ETV5: variants seen among roughly 807,000 people sequenced by gnomAD.
ETV5 encodes the protein ETS translocation variant 5.
Under a neutral mutation model 70.0 loss-of-function variants are expected in ETV5, and 10 were observed. The ratio of observed to expected loss-of-function variants is 0.14; its 90% CI spans 0.09 to 0.24. The LOEUF (loss-of-function observed/expected upper bound fraction) is 0.24, where lower values mean the gene tolerates loss of function less well. ETV5 is among the 10% of genes least tolerant of loss of function. ETV5 has a pLI of 1.00. For synonymous variants in ETV5, 216 were observed against 242.2 expected (o/e 0.89, Z 1.01); for missense variants, 453 against 651.2 (o/e 0.70, Z 3.31).
chr3:186,047,184 T>A lies in ETV5; in HGVS notation c.*1455A>T, dbSNP rs1054975302. 1 of 228,872 alleles carries A rather than the reference T, an allele frequency of 4.4e-6. No individual in the cohort carries two copies. The highest frequency in any genetic ancestry group is 5.7e-5 in the Admixed American group (1 of 17,584). The allele number at this position is 228,872 out of a possible 1,614,324, so 14.2% of individuals were successfully genotyped here. A position where few individuals can be genotyped will look rare whatever the true frequency, so the allele number is the denominator to read the frequency against. ...AGGCAGCAAGGTACCACCAGTAACT[T>A]TTCCTCTACTTTGAGCTCAACTTTC... On this transcript the variant is annotated 3_prime_UTR_variant, in exon 13 of 13. Coordinates refer to ENST00000306376, the MANE Select transcript of ETV5 (RefSeq NM_004454.3).
At chr3:186,101,355 C>T (rs924811424) in intron 5 of ETV5, among the ~76,000 whole-genome samples, 2 of 152,158 alleles carry the variant, frequency 1.3e-5, no homozygotes, top group African/African-American at 2.4e-5. Context: ...GATCACTACT[C>T]GCTTCAACTG....
In ETV5 at chr3:186,057,002, T is replaced by C. The variant is rs1713181161; in HGVS notation, c.1209+73A>G. The C allele has an allele frequency of 1.9e-6, 3 of 1,550,412 alleles. No individual in the cohort carries two copies. Among genetic ancestry groups the C allele is most frequent in the Non-Finnish European group, 2.6e-6 (3 of 1,138,178 alleles). ...GCAGACTTGACACAAAAAGCCTCAA[T>C]GGAAATCTAAACAAAAAACATCATC... On this transcript the variant is annotated intron_variant, in intron 11 of 12. Transcript: ENST00000306376. This position sits in a 1 kb window ranked among gnomAD's most constrained non-coding sequence, Gnocchi z 4.9.
chr3:186,065,704 A>C, intron 8 of ETV5, 109 bp downstream of exon 8: 1 of 1,347,410 alleles, frequency 7.4e-7, no homozygotes, highest in South Asian at 1.4e-5. Context: ...AAATTATAAA[A>C]AATTCTTATA....
chr3:186,049,649 C>T (rs1712976930), intron 12 of ETV5, among the ~76,000 whole-genome samples: 1 of 152,206 alleles, frequency 6.6e-6, no homozygotes, highest in Non-Finnish European at 1.5e-5. Context: ...ATAAGATAAA[C>T]ATTTTAGATT....
In ETV5 at chr3:186,046,837, T is replaced by G. The variant is rs1412533991; in HGVS notation, c.*1802A>C. The G allele has an allele frequency of 4.3e-6, 1 of 231,906 alleles. No homozygotes were observed. The highest frequency in any genetic ancestry group is 2.2e-5 in the African/African-American group (1 of 45,250). 14.4% of individuals were successfully genotyped at this position (231,906 alleles called of 1,614,324 possible). The stretch of plus-strand genomic sequence containing the variant: ...TATAAATATGGTTTAGAAAGAGTCC[T>G]TTGATTAGAGTACAATGCTAATTAA... On this transcript the variant is annotated 3_prime_UTR_variant, in exon 13 of 13. Transcript: ENST00000306376.
At chr3:186,065,402 C>T (rs1011688779) in intron 8 of ETV5, among the ~76,000 whole-genome samples, 1 of 152,184 alleles carries the variant, frequency 6.6e-6, no homozygotes, top group African/African-American at 2.4e-5. Context: ...ATTTTTCTGT[C>T]ATAAAGCAAC....
intron 7 of ETV5, among the ~76,000 whole-genome samples, chr3:186,075,357 C>A (rs1713757459): frequency 6.6e-6 from 1 of 152,302 alleles, no homozygotes; most frequent in South Asian, 2.1e-4. Flanking sequence ...ATGTGACTTA[C>A]AGTCAAGTTC....
intron 5 of ETV5, among the ~76,000 whole-genome samples, chr3:186,083,701 A>G (rs1411770742): frequency 6.6e-6 from 1 of 152,230 alleles, no homozygotes; most frequent in Non-Finnish European, 1.5e-5. Context: ...GGGGAGTTCA[A>G]AAAGTATTTT....
chr3:186,064,847 T>C (rs1713402374), intron 8 of ETV5, among the ~76,000 whole-genome samples: 1 of 152,158 alleles, frequency 6.6e-6, no homozygotes, highest in South Asian at 2.1e-4. Flanking sequence ...TCCTGGGTGT[T>C]AGGGTGGGAA....
At chr3:186,106,160 A>C (rs1714582518) in intron 1 of ETV5, among the ~76,000 whole-genome samples, 1 of 152,156 alleles carries the variant, frequency 6.6e-6, no homozygotes, top group African/African-American at 2.4e-5. Flanking sequence ...TTACCCAGTC[A>C]TCATTTTTTC....
At chr3:186,061,607 G>T (rs1465173316) in intron 9 of ETV5, among the ~76,000 whole-genome samples, 4 of 152,132 alleles carry the variant, frequency 2.6e-5, no homozygotes, top group African/African-American at 9.7e-5. Flanking sequence ...ATACATCTGG[G>T]GAAGGTGTTC....
intron 5 of ETV5, among the ~76,000 whole-genome samples, chr3:186,098,228 A>T (rs965691110): frequency 6.6e-6 from 1 of 152,234 alleles, no homozygotes; most frequent in Non-Finnish European, 1.5e-5. Flanking sequence ...AAAAACTATC[A>T]TGTGCCCCTC....
In ETV5 at chr3:186,048,555, A is replaced by C; in HGVS notation, c.*84T>G. 1 of 1,322,060 alleles carries C rather than the reference A, an allele frequency of 7.6e-7. No individual in the cohort carries two copies. Among genetic ancestry groups the C allele is most frequent in the South Asian group, 1.3e-5 (1 of 78,994 alleles). 81.9% of individuals were successfully genotyped at this position (1,322,060 alleles called of 1,614,324 possible). On this transcript the variant is annotated 3_prime_UTR_variant, in exon 13 of 13. Transcript: ENST00000306376. ...CAAAGGGCAAGCTTTAGGAACAACC[A>C]AAAACACAAACAAAACCACTGCCCT... is the stretch of plus-strand genomic sequence containing the variant.
At chr3:186,092,908 T>G (rs79875468) in intron 5 of ETV5, among the ~76,000 whole-genome samples, 35 of 152,336 alleles carry the variant, frequency 2.3e-4, no homozygotes, top group Middle Eastern at 3.4e-3. Context: ...ACACATATCA[T>G]GTACTGGGCT....
At chr3:186,085,124 CGT>C (rs1714027409) in intron 5 of ETV5, among the ~76,000 whole-genome samples, 1 of 77,428 alleles carries the variant, frequency 1.3e-5, no homozygotes, top group African/African-American at 9.1e-5. Flanking sequence ...TCACTTGCCA[CGT>C]AAAGGCTCAA....
intron 7 of ETV5, 108 bp from the exon 8 acceptor site, chr3:186,066,180 C>T (rs1713438321): frequency 6.3e-6 from 5 of 794,226 alleles, no homozygotes; most frequent in Non-Finnish European, 8.5e-6. Flanking sequence ...TTGCAAAGTA[C>T]TTAATAATGC....
Position 186,046,760 on chromosome 3 carries a change from G to T in ETV5, c.*1879C>A, listed in dbSNP as rs1712889336. 4.3e-6 allele frequency: 1 copy of T among 232,670 alleles called. No homozygotes were observed. The highest frequency in any genetic ancestry group is 5.6e-5 in the Admixed American group (1 of 17,758). The allele number at this position is 232,670 out of a possible 1,614,324, so 14.4% of individuals were successfully genotyped here. ...TTTACAACAAATAAATCTCTAGCCA[G>T]CTGGGGGTAAAATATGCATCTATGT... On this transcript the variant is annotated 3_prime_UTR_variant, in exon 13 of 13. Transcript: ENST00000306376.
At chr3:186,095,447 G>A (rs964869889) in intron 5 of ETV5, 1 of 152,208 alleles carries the variant, frequency 6.6e-6, no homozygotes, top group Admixed American at 6.5e-5. Flanking sequence ...TAGGATTTAA[G>A]CACTGTGGAA....
intron 1 of ETV5, among the ~76,000 whole-genome samples, chr3:186,108,060 TAA>T (rs910091499): frequency 1.3e-5 from 2 of 149,564 alleles, no homozygotes; most frequent in African/African-American, 4.9e-5. Context: ...GCTTCATTCA[TAA>T]AGTCACCCAC....
Sources: gnomAD v4.1 joint callset for allele counts (sites outside exome capture counted in the v4.1 genomes callset) on GRCh38, gnomAD v4.1.1 for gene constraint, Gnocchi (gnomAD v3.1) non-coding constraint, MANE v1.5 for transcripts, NCBI Gene and HGNC (gene_info 2026-07-23, HGNC 2026-07-21) for gene names.